EMG1: variants seen among roughly 807,000 people sequenced by gnomAD.
EMG1 encodes the protein ribosomal RNA small subunit methyltransferase NEP1.
EMG1 carries 24 observed loss-of-function variants against 26.9 expected under a neutral mutation model. The ratio of observed to expected loss-of-function variants is 0.89; its 90% CI spans 0.65 to 1.26. The LOEUF is 1.26. EMG1 is among the 50% of genes most tolerant of loss of function. EMG1 has a pLI of 0.00. For synonymous variants in EMG1, 140 were observed against 112.6 expected, an observed-to-expected ratio of 1.24 and a Z score of -1.54; for missense variants, 299 against 307.6, an observed-to-expected ratio of 0.97 and a Z score of 0.21.
intron 7 of EMG1, among the ~76,000 whole-genome samples, chr12:6,994,174 G>C (rs1555155821): frequency 6.6e-6 from 1 of 151,958 alleles, no homozygotes. Context: ...CAATTCTCTT[G>C]GGTATATACC....
chr12:6,984,307 G>T (rs1173755879), downstream of EMG1, among the ~76,000 whole-genome samples: 1 of 152,246 alleles, frequency 6.6e-6, no homozygotes, highest in African/African-American at 2.4e-5. Flanking sequence ...GTCATGAACT[G>T]ATTATACATG....
At chr12:6,997,022 CA>C (rs1946642456) in intron 7 of EMG1, among the ~76,000 whole-genome samples, 1 of 151,634 alleles carries the variant, frequency 6.6e-6, no homozygotes, top group Non-Finnish European at 1.5e-5. Flanking sequence ...AAAAAAAAAT[CA>C]ATTGACTAGG....
At position 6,970,915 on chromosome 12, in the gene EMG1, T is replaced by G. The variant is rs1555152053; in HGVS notation, c.-9T>G. On this transcript the variant is annotated 5_prime_UTR_variant, in exon 1 of 6. It adds an upstream start codon to the 5' untranslated region. Transcript: ENST00000599672. Reference sequence around the variant, plus strand: ...AGAGCGTTAGCGCAACTTCCGGTATTGTTGCAAGATGGCCGCGCCCAGTGA... The same window carrying G: ...AGAGCGTTAGCGCAACTTCCGGTATGGTTGCAAGATGGCCGCGCCCAGTGA... The G allele has an allele frequency of 1.2e-6, 2 of 1,611,446 alleles. No individual in the cohort carries two copies. Among genetic ancestry groups the G allele is most frequent in the Non-Finnish European group, 1.7e-6 (2 of 1,178,750 alleles).
At position 6,974,698 on chromosome 12, in the gene EMG1, G is replaced by A; in HGVS notation, c.412+5G>A. On this transcript the variant is annotated splice_donor_5th_base_variant and intron_variant, in intron 3 of 5. Transcript: ENST00000599672. ...ACCGCTTTTGTGGCCTCATGGGTAAGAAGCCTTAGAACAAAGTTAGAATGA... is the reference window on the plus strand; with the variant it reads ...ACCGCTTTTGTGGCCTCATGGGTAAAAAGCCTTAGAACAAAGTTAGAATGA... 6.2e-7 allele frequency: 1 copy of A among 1,613,878 alleles called. No homozygotes were observed. The highest frequency in any genetic ancestry group is 1.1e-5 in the South Asian group (1 of 91,072).
At chr12:6,994,488 G>A (rs782366553) in intron 7 of EMG1, among the ~76,000 whole-genome samples, 5 of 151,306 alleles carry the variant, frequency 3.3e-5, no homozygotes, top group East Asian at 3.9e-4. Flanking sequence ...GATTACAGGC[G>A]TGAGCCACCG....
intron 6 of EMG1, among the ~76,000 whole-genome samples, chr12:6,986,795 C>CAAAA (rs1157395768): frequency 8.8e-5 from 3 of 33,912 alleles, no homozygotes; most frequent in African/African-American, 3.3e-4. Context: ...GACTCTGTCT[C>CAAAA]AAAAAAAAAA....
Position 6,975,801 on chromosome 12 carries a change from G to C in EMG1, c.727G>C (p.Val243Leu), listed in dbSNP as rs782051183. The change falls in exon 6 of 6, where the codon GTC becomes CTC. Residue 243 changes from valine (V) to leucine (L), a missense_variant. By Grantham distance (32) the Val-to-Leu change is conservative. Coordinates refer to ENST00000599672, the MANE Select transcript of EMG1 (RefSeq NM_006331.8). Reference protein sequence around the residue: ...LTTAFEEVWGVI With the variant: ...LTTAFEEVWGLI ...CACAGCCTTTGAGGAAGTATGGGGG[G>C]TCATTTGACAGTAGTAGAACCTGTT... 6.3e-7 allele frequency: 1 copy of C among 1,597,336 alleles called. No individual in the cohort carries two copies. Among genetic ancestry groups the C allele is most frequent in the South Asian group, 1.1e-5 (1 of 90,768 alleles).
downstream of EMG1, among the ~76,000 whole-genome samples, chr12:6,989,786 C>A (rs73264627): frequency 0.02 from 2,978 of 152,266 alleles, 106 homozygotes; most frequent in African/African-American, 0.069. Context: ...GGAACGTTTT[C>A]TTATTTCCTG....
At chr12:6,990,563 AAATT>A (rs201022690), downstream of EMG1, among the ~76,000 whole-genome samples, 9,771 of 136,018 alleles carry the variant, frequency 0.072, 397 homozygotes, top group Middle Eastern at 0.14. Context: ...ATAAATAAAT[AAATT>A]GAGCACCCCA....
downstream of EMG1, chr12:6,983,294 C>T: frequency 4.6e-6 from 3 of 658,480 alleles, no homozygotes; most frequent in South Asian, 5.6e-5. Flanking sequence ...AGCTGTGTTC[C>T]TCTTCATACA....
chr12:6,981,201 G>A (rs781999278), downstream of EMG1: 1,784 of 1,592,162 alleles, frequency 1.1e-3, 27 homozygotes, highest in South Asian at 0.019. Context: ...AGAAGAGAAT[G>A]CATGGTTCAG....
At position 6,978,268 on chromosome 12, in the gene EMG1, C is replaced by T. The variant is rs782231729; in HGVS notation, c.*2459C>T. 13 of 1,517,894 alleles carry T rather than the reference C, an allele frequency of 8.6e-6. No homozygotes were observed. The highest frequency in any genetic ancestry group is 4.2e-5 in the African/African-American group (3 of 72,116). The allele number at this position is 1,517,894 out of a possible 1,614,324, so 94.0% of individuals were successfully genotyped here. On this transcript the variant is annotated 3_prime_UTR_variant, in exon 6 of 6. Coordinates refer to ENST00000599672, the MANE Select transcript of EMG1 (RefSeq NM_006331.8). ...AAAGACGCATAGGGGTGACATGGTA[C>T]ACCCCTGCCCTCCAATCTGGGAAGA...
Position 6,976,862 on chromosome 12 carries a change from T to C in EMG1, c.*1053T>C, listed in dbSNP as rs781920415. ...GGAGTGCTGTGAAAAGGGAGACGAG[T>C]AGTTTCTGCACCAGTCCCGCACAGG... On this transcript the variant is annotated 3_prime_UTR_variant, in exon 6 of 6. Transcript: ENST00000599672. 5.8e-5 allele frequency: 18 copies of C among 310,884 alleles called. No homozygotes were observed. The highest frequency in any genetic ancestry group is 1.0e-4 in the Non-Finnish European group (17 of 164,120). The allele number at this position is 310,884 out of a possible 1,614,324, so 19.3% of individuals were successfully genotyped here. A position where few individuals can be genotyped will look rare whatever the true frequency, so the allele number is the denominator to read the frequency against.
exon 8 of EMG1, chr12:6,997,239 GC>G (rs1946644020): frequency 6.6e-6 from 1 of 151,956 alleles, no homozygotes; most frequent in Non-Finnish European, 1.5e-5. Context: ...TCACTCTGTT[GC>G]CCAGGCTGGA....
chr12:6,985,470 T>C (rs1446766169), intron 6 of EMG1, among the ~76,000 whole-genome samples: 7 of 151,732 alleles, frequency 4.6e-5, no homozygotes, highest in Non-Finnish European at 1.0e-4. Flanking sequence ...CCAAGGCACT[T>C]TGGGAGGCTG....
intron 1 of EMG1, among the ~76,000 whole-genome samples, chr12:6,973,743 C>A (rs186007257): frequency 6.6e-6 from 1 of 151,588 alleles, no homozygotes; most frequent in African/African-American, 2.4e-5. Context: ...GGGGTTTCAC[C>A]GTGTTAGCCA....
exon 8 of EMG1, chr12:6,997,379 ATG>A (rs201579525): frequency 0.067 from 7,635 of 113,962 alleles, 260 homozygotes; most frequent in African/African-American, 0.11. Context: ...ACAGCAAATT[ATG>A]TGTGTGTGTG....
chr12:6,985,311 G>T (rs1351692818), intron 6 of EMG1, among the ~76,000 whole-genome samples: 2 of 149,516 alleles, frequency 1.3e-5, no homozygotes, highest in Non-Finnish European at 3.0e-5. Context: ...CAGGAGAATG[G>T]CATGAACACG....
chr12:6,981,451 C>T, downstream of EMG1: 2 of 852,112 alleles, frequency 2.3e-6, no homozygotes, highest in Non-Finnish European at 4.0e-6. Context: ...GATCCTTGCT[C>T]AGTGCTATCT....
Sources: gnomAD v4.1 joint callset for allele counts (sites outside exome capture counted in the v4.1 genomes callset) on GRCh38, gnomAD v4.1.1 for gene constraint, MANE v1.5 for transcripts, NCBI Gene and HGNC (gene_info 2026-07-23, HGNC 2026-07-21) for gene names.